The following CDC123 variants were observed in gnomAD, a reference collection of about 807,000 sequenced individuals.
CDC123 encodes the protein cell division cycle 123.
Under a neutral mutation model 54.4 loss-of-function variants are expected in CDC123, and 37 were observed. The observed-to-expected ratio is 0.68, with a 90% CI of 0.52 to 0.89. The LOEUF is 0.89. CDC123 is among the 40% of genes least tolerant of loss of function. The probability of loss-of-function intolerance (pLI) is 0.00; values close to 1 mark genes in which losing one functional copy is unlikely to be tolerated. For synonymous variants in CDC123, 144 were observed against 136.8 expected, an observed-to-expected ratio of 1.05 and a Z score of -0.37; for missense variants, 361 against 412.1, an observed-to-expected ratio of 0.88 and a Z score of 1.07.
chr10:12,200,119 C>CCTTTTT (rs1564431631), intron 2 of CDC123, among the ~76,000 whole-genome samples: 10 of 24,276 alleles, frequency 4.1e-4, no homozygotes, highest in African/African-American at 1.0e-3. Flanking sequence ...CCGCACTCGG[C>CCTTTTT]ATTTTTTTTT....
intron 6 of CDC123, among the ~76,000 whole-genome samples, chr10:12,226,600 G>A (rs1306297422): frequency 1.3e-5 from 2 of 149,456 alleles, no homozygotes; most frequent in Admixed American, 6.6e-5. Context: ...GGGCAGAGGC[G>A]CTCCTCACAT....
intron 6 of CDC123, among the ~76,000 whole-genome samples, chr10:12,221,766 T>C (rs1835740026): frequency 6.6e-6 from 1 of 150,900 alleles, no homozygotes; most frequent in African/African-American, 2.4e-5. Context: ...AAATAAATTT[T>C]ATTAAAATTT....
At chr10:12,204,505 A>G (rs537117715) in intron 2 of CDC123, among the ~76,000 whole-genome samples, 3 of 152,308 alleles carry the variant, frequency 2.0e-5, no homozygotes, top group Admixed American at 6.5e-5. Flanking sequence ...TTTTGTGGGT[A>G]CATAGTGTAC....
At chr10:12,228,816 C>T (rs879784356) in intron 6 of CDC123, among the ~76,000 whole-genome samples, 14 of 152,286 alleles carry the variant, frequency 9.2e-5, no homozygotes, top group East Asian at 3.9e-4. Context: ...GTGATCTGCC[C>T]GCCTCGGCCT....
intron 6 of CDC123, among the ~76,000 whole-genome samples, chr10:12,227,607 C>T (rs1034200684): frequency 1.5e-4 from 23 of 151,896 alleles, no homozygotes; most frequent in Admixed American, 6.6e-5. Context: ...AAGGGATTCT[C>T]GTGCCTCAGC....
At chr10:12,227,185 C>T (rs969174378) in intron 6 of CDC123, among the ~76,000 whole-genome samples, 33 of 150,590 alleles carry the variant, frequency 2.2e-4, no homozygotes, top group African/African-American at 7.8e-4. Context: ...AGGGAGGTTG[C>T]AGTGAGCCGA....
intron 8 of CDC123, among the ~76,000 whole-genome samples, chr10:12,236,744 A>C (rs926724272): frequency 2.0e-5 from 3 of 152,020 alleles, no homozygotes; most frequent in Non-Finnish European, 2.9e-5. Flanking sequence ...ACAAAAAAAA[A>C]TTTGCTGGGT....
intron 2 of CDC123, among the ~76,000 whole-genome samples, chr10:12,201,779 G>A (rs1835443262): frequency 6.6e-6 from 1 of 152,164 alleles, no homozygotes; most frequent in East Asian, 1.9e-4. Context: ...AGCTGTGGCA[G>A]GTGACTGTGG....
intron 10 of CDC123, among the ~76,000 whole-genome samples, chr10:12,241,828 C>G (rs1463085087): frequency 2.0e-5 from 3 of 152,182 alleles, no homozygotes; most frequent in African/African-American, 7.2e-5. Flanking sequence ...ACTGTCTCCT[C>G]ACACTCCCTT....
rs150082100 is a variant in CDC123, at chr10:12,249,522, A to G, written c.847-59A>G. The G allele has an allele frequency of 4.6e-5, 70 of 1,537,850 alleles. No homozygotes were observed. The African/African-American group carries it at 7.4e-4, about 16-fold the overall frequency. On this transcript the variant is annotated intron_variant, in intron 11 of 12. Transcript: ENST00000281141. ...GTTTTGCTAGGTTCTTTTTTAGTTC[A>G]CAGAATAGGCCTAAAAATAAATGAT... is the stretch of plus-strand genomic sequence containing the variant.
chr10:12,229,515 T>C (rs1307807274), intron 6 of CDC123, among the ~76,000 whole-genome samples: 1 of 152,210 alleles, frequency 6.6e-6, no homozygotes, highest in Non-Finnish European at 1.5e-5. Context: ...CCTTAGCACG[T>C]TTCTCCGTGC....
chr10:12,225,737 A>G (rs1468754001), intron 6 of CDC123, among the ~76,000 whole-genome samples: 2 of 115,918 alleles, frequency 1.7e-5, no homozygotes, highest in Non-Finnish European at 3.6e-5. Context: ...TTTTTTTTCT[A>G]GCTTCTCTCT....
At chr10:12,204,673 A>G (rs558466369) in intron 2 of CDC123, among the ~76,000 whole-genome samples, 25 of 152,280 alleles carry the variant, frequency 1.6e-4, no homozygotes, top group African/African-American at 5.5e-4. Context: ...ATTATTGACT[A>G]TAGTCACTCT....
rs976785148 is a variant in CDC123, at chr10:12,211,524, A to G, written c.237+1202A>G. ...ATTTACTCCAGATGCCATTCAGATCACTCTCCTTTTATGAAAATTCCATTC... is the reference window on the plus strand; with the variant it reads ...ATTTACTCCAGATGCCATTCAGATCGCTCTCCTTTTATGAAAATTCCATTC... On this transcript the variant is annotated intron_variant, in intron 4 of 12. Coordinates refer to ENST00000281141, the MANE Select transcript of CDC123 (RefSeq NM_006023.3). Among the ~76,000 whole-genome samples the G allele has an allele frequency of 1.6e-4, 25 of 152,222 alleles. No individual in the cohort carries two copies. In the Middle Eastern group the frequency reaches 0.014, roughly 83 times the overall value.
intron 6 of CDC123, among the ~76,000 whole-genome samples, 174 bp from the exon 7 acceptor site, chr10:12,230,774 G>T (rs1056278063): frequency 1.3e-5 from 2 of 152,200 alleles, no homozygotes; most frequent in Non-Finnish European, 1.5e-5. Context: ...GGCTGCCTAG[G>T]CTAATGCAAA....
chr10:12,243,234 A>G (rs1368083211), intron 10 of CDC123, among the ~76,000 whole-genome samples: 6 of 151,712 alleles, frequency 4.0e-5, no homozygotes, highest in Non-Finnish European at 7.4e-5. Context: ...CCCCATCTCT[A>G]CCAAAAATAG....
At chr10:12,216,636 ACTTTT>A (rs1835668944) in intron 5 of CDC123, among the ~76,000 whole-genome samples, 1 of 152,070 alleles carries the variant, frequency 6.6e-6, no homozygotes, top group African/African-American at 2.4e-5. Flanking sequence ...ATATTTTAGT[ACTTTT>A]CTTCCATGTA....
At chr10:12,230,661 AC>A (rs1835887949) in intron 6 of CDC123, among the ~76,000 whole-genome samples, 1 of 152,186 alleles carries the variant, frequency 6.6e-6, no homozygotes, top group Non-Finnish European at 1.5e-5. Context: ...GACTGTAGTC[AC>A]CCTGTTGTGC....
rs1203116629 is a variant in CDC123, at chr10:12,246,248, G to C, written c.817G>C (p.Asp273His). 1.9e-6 allele frequency: 3 copies of C among 1,614,010 alleles called. No individual in the cohort carries two copies. The African/African-American group carries it at 4.0e-5, about 22-fold the overall frequency. Residue 273 changes from aspartate (D) to histidine (H), a missense_variant, in exon 11 of 13, where the codon GAT becomes CAT. Physicochemically the swap from Asp to His is moderately conservative, Grantham distance 81. Coordinates refer to ENST00000281141, the MANE Select transcript of CDC123 (RefSeq NM_006023.3). Reference sequence around the variant, plus strand: ...GATATCTGAGAACAACTTAAACGGCGATTTTAGTGAAGTTGACGCTCAAGA... The same window carrying C: ...GATATCTGAGAACAACTTAAACGGCCATTTTAGTGAAGTTGACGCTCAAGA... ...ELISENNLNG[D>H]FSEVDAQEQD... is the part of the protein sequence containing the mutation.
Sources: allele counts gnomAD v4.1 joint callset (sites outside exome capture counted in the v4.1 genomes callset), GRCh38; gene constraint gnomAD v4.1.1; transcripts MANE v1.5; gene names NCBI Gene and HGNC (gene_info 2026-07-23, HGNC 2026-07-21).